Variants in AFF3 observed in about 807,000 individuals in gnomAD.
AFF3 encodes the protein ALF transcription elongation factor 3.
Under a neutral mutation model 129.7 loss-of-function variants are expected in AFF3, and 32 were observed. The observed-to-expected ratio is 0.25, with a 90% confidence interval of 0.19 to 0.33. AFF3 has a LOEUF of 0.33. AFF3 is among the 10% of genes least tolerant of loss of function. The pLI, the probability that AFF3 is intolerant of heterozygous loss-of-function variation, is 1.00. For synonymous variants in AFF3, 644 were observed against 635.4 expected (o/e 1.01, Z -0.20); for missense variants, 1,373 against 1,592.0 (o/e 0.86, Z 2.34).
At chr2:99,689,870 T>C (rs534455257) in intron 11 of AFF3, among the ~76,000 whole-genome samples, 2 of 151,772 alleles carry the variant, frequency 1.3e-5, no homozygotes, top group East Asian at 3.9e-4. Context: ...GTGGATCACC[T>C]GAGGTCAGGA....
chr2:99,695,938 G>GAAAAAAA (rs10719354), intron 11 of AFF3, among the ~76,000 whole-genome samples: 696 of 57,630 alleles, frequency 0.012, no homozygotes, highest in Middle Eastern at 0.026. Flanking sequence ...CTGGAAAAAT[G>GAAAAAAA]AAAAAAAAAA....
At chr2:99,858,583 G>C (rs981232981) in intron 7 of AFF3, among the ~76,000 whole-genome samples, 1 of 152,088 alleles carries the variant, frequency 6.6e-6, no homozygotes, top group Non-Finnish European at 1.5e-5. Context: ...AAAAGAACGA[G>C]ATCATGTTCT....
At chr2:99,617,401 G>C (rs1207015206) in intron 13 of AFF3, among the ~76,000 whole-genome samples, 1 of 152,162 alleles carries the variant, frequency 6.6e-6, no homozygotes, top group Non-Finnish European at 1.5e-5. Flanking sequence ...TTTCCCCAGA[G>C]GAAAATGATG....
chr2:99,906,210 TGCC>T (rs1472531781), intron 7 of AFF3, among the ~76,000 whole-genome samples: 3 of 152,240 alleles, frequency 2.0e-5, no homozygotes, highest in Non-Finnish European at 4.4e-5. Context: ...ACTTTTATCA[TGCC>T]AGATATTCAC....
chr2:100,085,186 TAA>T (rs535297105), intron 4 of AFF3, among the ~76,000 whole-genome samples: 5 of 119,536 alleles, frequency 4.2e-5, no homozygotes, highest in Non-Finnish European at 5.4e-5. Flanking sequence ...TTCTTAAAAC[TAA>T]AAAAAAAAAA....
At chr2:99,658,565 G>T (rs1183184107) in intron 12 of AFF3, among the ~76,000 whole-genome samples, 2 of 152,118 alleles carry the variant, frequency 1.3e-5, no homozygotes, top group Non-Finnish European at 2.9e-5. Flanking sequence ...GGCCAGGCTT[G>T]TTTTCATAAT....
intron 4 of AFF3, among the ~76,000 whole-genome samples, chr2:100,037,648 A>G (rs796368840): frequency 0.061 from 6,181 of 100,830 alleles, 295 homozygotes; most frequent in South Asian, 0.14. Flanking sequence ...ATATAAATAT[A>G]TATTTATATT....
At position 100,008,835 on chromosome 2, in the gene AFF3, A is replaced by C. The variant is rs771350537; in HGVS notation, c.151T>G (p.Ser51Ala). 1.9e-6 allele frequency: 3 copies of C among 1,614,090 alleles called. No individual in the cohort carries two copies. In the Admixed American group the frequency reaches 5.0e-5, roughly 27 times the overall value. The stretch of plus-strand genomic sequence containing the variant: ...ACCTTGTAGGGCTCACTGAAGAGAG[A>C]GTAACTAGAATTAAACGTGCCATCA... ...QDDGTFNSSY[S>A]LFSEPYKTNK... is the part of the protein sequence containing the mutation. The change falls in exon 5 of 25, where the codon TCT (serine) becomes GCT (alanine). Residue 51 changes from serine (S) to alanine (A), a missense_variant. By Grantham distance (99) the Ser-to-Ala change is moderately conservative. Transcript: ENST00000672756.
chr2:100,066,497 T>C (rs1365920759), intron 4 of AFF3, among the ~76,000 whole-genome samples: 3 of 152,198 alleles, frequency 2.0e-5, no homozygotes, highest in African/African-American at 7.2e-5. Flanking sequence ...ATTTCTTAAA[T>C]GTGTTTTATT....
chr2:99,942,886 T>C (rs980049486), intron 7 of AFF3, among the ~76,000 whole-genome samples: 39 of 152,090 alleles, frequency 2.6e-4, no homozygotes, highest in Admixed American at 1.3e-3. Flanking sequence ...TTAATCCCAA[T>C]ATATTTTCCT....
intron 2 of AFF3, among the ~76,000 whole-genome samples, chr2:100,117,600 A>G (rs1316466863): frequency 1.3e-5 from 2 of 152,232 alleles, no homozygotes; most frequent in African/African-American, 4.8e-5. Context: ...CGTGGAGCGC[A>G]TAGGTGTCTA....
At chr2:99,587,677 G>A (rs1433683133) in intron 15 of AFF3, among the ~76,000 whole-genome samples, 1 of 152,156 alleles carries the variant, frequency 6.6e-6, no homozygotes, top group Non-Finnish European at 1.5e-5. Flanking sequence ...TGGGATTCAT[G>A]CCATAAGGGC....
intron 7 of AFF3, among the ~76,000 whole-genome samples, chr2:99,867,016 T>TA (rs1421559980): frequency 1.4e-5 from 2 of 143,818 alleles, no homozygotes; most frequent in Admixed American, 6.9e-5. Context: ...ATAAATAAAA[T>TA]AAAAATAAAA....
chr2:99,682,009 A>C (rs1674579305), intron 11 of AFF3, among the ~76,000 whole-genome samples: 2 of 150,916 alleles, frequency 1.3e-5, no homozygotes, highest in South Asian at 4.2e-4. Flanking sequence ...GGGTTCAAGC[A>C]ATGCTCCCTA....
At chr2:99,779,211 T>C (rs1462200623) in intron 8 of AFF3, among the ~76,000 whole-genome samples, 1 of 152,188 alleles carries the variant, frequency 6.6e-6, no homozygotes, top group Non-Finnish European at 1.5e-5. Context: ...CCTCTGTTCC[T>C]GGTTTGTTGG....
intron 8 of AFF3, among the ~76,000 whole-genome samples, chr2:99,831,630 A>G (rs1688524817): frequency 6.6e-6 from 1 of 152,242 alleles, no homozygotes; most frequent in Non-Finnish European, 1.5e-5. Context: ...ATGGATAAAG[A>G]TAAGAATTTG....
At chr2:100,001,067 A>C (rs1681361619) in intron 7 of AFF3, among the ~76,000 whole-genome samples, 2 of 152,214 alleles carry the variant, frequency 1.3e-5, no homozygotes, top group Non-Finnish European at 2.9e-5. Context: ...CAGGCCCTGG[A>C]GGCTGCAGCT....
At chr2:100,001,987 G>A (rs1282093266) in intron 7 of AFF3, among the ~76,000 whole-genome samples, 6 of 152,326 alleles carry the variant, frequency 3.9e-5, no homozygotes, top group East Asian at 3.9e-4. Flanking sequence ...GTAACCATCC[G>A]TGCTGTTGCT....
intron 2 of AFF3, chr2:100,106,694 C>T (rs1301103121): frequency 6.1e-6 from 6 of 985,978 alleles, no homozygotes; most frequent in Non-Finnish European, 7.2e-6. Context: ...AGGAGACCTC[C>T]CGGCCCTCAC....
Sources: gnomAD v4.1 joint callset for allele counts (sites outside exome capture counted in the v4.1 genomes callset) on GRCh38, gnomAD v4.1.1 for gene constraint, MANE v1.5 for transcripts, NCBI Gene and HGNC (gene_info 2026-07-23, HGNC 2026-07-21) for gene names.